Variants in CSMD1 observed in about 807,000 individuals in gnomAD.
CSMD1 encodes the protein CUB and sushi domain-containing protein 1.
A neutral mutation model predicts 417.5 loss-of-function variants in CSMD1; 213 were observed. The observed-to-expected ratio is 0.51, with a 90% confidence interval of 0.46 to 0.57. The LOEUF is 0.57. Among genes scored for constraint, CSMD1 ranks in the 20% least tolerant of loss-of-function variants. The pLI, the probability that CSMD1 is intolerant of heterozygous loss-of-function variation, is 0.00. For missense variants in CSMD1, 6,923 were observed against 4,529.7 expected, an observed-to-expected ratio of 1.53 and a Z score of -15.17; for synonymous variants, 2,862 against 1,736.8, an observed-to-expected ratio of 1.65 and a Z score of -16.11.
At chr8:3,854,781 T>G (rs890446976) in intron 5 of CSMD1, among the ~76,000 whole-genome samples, 1 of 151,396 alleles carries the variant, frequency 6.6e-6, no homozygotes, top group African/African-American at 2.4e-5. Flanking sequence ...TAAGAAGTGG[T>G]GATCAAAATT....
At chr8:3,517,063 C>A (rs915033294) in intron 10 of CSMD1, among the ~76,000 whole-genome samples, 3 of 152,088 alleles carry the variant, frequency 2.0e-5, no homozygotes, top group South Asian at 2.1e-4. Context: ...ACACTGGAAC[C>A]GACAGCTCCA....
Position 3,611,971 on chromosome 8 carries a change from C to T in CSMD1, c.1097+4739G>A, listed in dbSNP as rs114616879. Among the ~76,000 whole-genome samples, 1,420 of 152,122 alleles carry T rather than the reference C, an allele frequency of 9.3e-3. 26 individuals are homozygous for T. The highest frequency in any genetic ancestry group is 0.033 in the African/African-American group (1,372 of 41,538). ...CATTTGCCAATTTTTGTTATAGTAT[C>T]AAATAATATACTCAGTTATTTGAAA... On this transcript the variant is annotated intron_variant, in intron 8 of 69. Coordinates refer to ENST00000635120, the MANE Select transcript of CSMD1 (RefSeq NM_033225.6).
intron 5 of CSMD1, among the ~76,000 whole-genome samples, chr8:3,888,867 C>A (rs983182186): frequency 2.0e-5 from 3 of 152,056 alleles, no homozygotes; most frequent in African/African-American, 7.2e-5. Context: ...TATTCTATTT[C>A]TGTGACTTCA....
At chr8:4,824,407 C>T (rs1235500663) in intron 1 of CSMD1, among the ~76,000 whole-genome samples, 1 of 152,004 alleles carries the variant, frequency 6.6e-6, no homozygotes, top group African/African-American at 2.4e-5. Flanking sequence ...GTCCCTGAGA[C>T]CTCTAAGCTA....
chr8:3,290,348 T>G lies in CSMD1; in HGVS notation c.3951-6002A>C, dbSNP rs190797628. On this transcript the variant is annotated intron_variant, in intron 25 of 69. Coordinates refer to ENST00000635120, the MANE Select transcript of CSMD1 (RefSeq NM_033225.6). ...TCCATATGAACTTTAAAGTAGTTTT[T>G]TCTAATTCTGTGAAGAAAGTCATTG... 2.9e-4 allele frequency among the ~76,000 whole-genome samples: 42 copies of G among 146,934 alleles called. 1 individual carries two copies. The highest frequency in any genetic ancestry group is 5.0e-4 in the Non-Finnish European group (34 of 67,934).
intron 5 of CSMD1, among the ~76,000 whole-genome samples, chr8:3,924,246 T>C (rs926237286): frequency 2.6e-5 from 4 of 152,346 alleles, no homozygotes; most frequent in Middle Eastern, 6.8e-3. Flanking sequence ...GATGCTGATG[T>C]TCTTGTAGGG....
chr8:4,741,205 C>G (rs1810583692), intron 1 of CSMD1, among the ~76,000 whole-genome samples: 1 of 152,178 alleles, frequency 6.6e-6, no homozygotes, highest in South Asian at 2.1e-4. Context: ...AACAGAAGAC[C>G]CTAGTGCCAC....
At chr8:4,520,633 T>C (rs1246231603) in intron 2 of CSMD1, among the ~76,000 whole-genome samples, 2 of 152,196 alleles carry the variant, frequency 1.3e-5, no homozygotes. Context: ...TTTAGATAAG[T>C]TATTTCCCCC....
intron 1 of CSMD1, among the ~76,000 whole-genome samples, chr8:4,861,160 A>C (rs1390275552): frequency 6.6e-6 from 1 of 152,150 alleles, no homozygotes; most frequent in Non-Finnish European, 1.5e-5. Flanking sequence ...CAAATACATA[A>C]ATGGAAGTTG....
intron 3 of CSMD1, among the ~76,000 whole-genome samples, chr8:4,393,910 A>T (rs752374527): frequency 2.6e-5 from 4 of 152,174 alleles, no homozygotes; most frequent in Admixed American, 6.5e-5. Flanking sequence ...TTCCATCTTA[A>T]ATCCGTTAGC....
At chr8:3,037,877 G>T (rs923417780) in intron 50 of CSMD1, among the ~76,000 whole-genome samples, 1 of 152,232 alleles carries the variant, frequency 6.6e-6, no homozygotes, top group East Asian at 1.9e-4. Flanking sequence ...TCTTCCCCAA[G>T]ATTTCCAACT....
chr8:3,885,315 C>A (rs566317664), intron 5 of CSMD1, among the ~76,000 whole-genome samples: 2 of 152,144 alleles, frequency 1.3e-5, no homozygotes, highest in South Asian at 2.1e-4. Context: ...AGGGGTTTGT[C>A]AGTATTTATT....
At chr8:4,530,403 T>G (rs935366763) in intron 2 of CSMD1, among the ~76,000 whole-genome samples, 2 of 143,148 alleles carry the variant, frequency 1.4e-5, no homozygotes, top group Non-Finnish European at 3.0e-5. Flanking sequence ...GGAATACATT[T>G]GCCATGGTGG....
intron 2 of CSMD1, among the ~76,000 whole-genome samples, chr8:4,468,038 C>T (rs1382961228): frequency 9.3e-5 from 14 of 150,068 alleles, no homozygotes; most frequent in Non-Finnish European, 1.5e-5. Context: ...ATGGGTTACT[C>T]AACAGGCCCT....
At chr8:4,742,169 T>C (rs1408930729) in intron 1 of CSMD1, among the ~76,000 whole-genome samples, 2 of 151,210 alleles carry the variant, frequency 1.3e-5, no homozygotes, top group Non-Finnish European at 3.0e-5. Flanking sequence ...TAGCTGGGAC[T>C]ACAGGCGCCC....
chr8:3,517,515 T>A (rs1255210667), intron 10 of CSMD1, among the ~76,000 whole-genome samples: 12 of 152,208 alleles, frequency 7.9e-5, no homozygotes, highest in Admixed American at 7.9e-4. Context: ...AAATGTCAGG[T>A]TCCAATGTCA....
rs79065317 is a variant in CSMD1 at position 3,169,234 on chromosome 8, T to C, written c.5726-6957A>G. On this transcript the variant is annotated intron_variant, in intron 37 of 69. Coordinates refer to ENST00000635120, the MANE Select transcript of CSMD1 (RefSeq NM_033225.6). ...CCCAAACAGTACAGCCCTGTTTACA[T>C]CCTAGGAGAAACCAGAGGAGACAAG... Among the ~76,000 whole-genome samples, 21 of 152,302 alleles carry C rather than the reference T, an allele frequency of 1.4e-4. No individual in the cohort carries two copies. In the East Asian group the frequency reaches 4.1e-3, roughly 29 times the overall value.
chr8:3,954,891 C>G (rs747333889), intron 5 of CSMD1, among the ~76,000 whole-genome samples: 1 of 152,148 alleles, frequency 6.6e-6, no homozygotes, highest in Admixed American at 6.5e-5. Context: ...GTGGAGGGTA[C>G]GTGGAAACTC....
chr8:3,955,342 G>A (rs1201950075), intron 5 of CSMD1, among the ~76,000 whole-genome samples: 5 of 152,212 alleles, frequency 3.3e-5, no homozygotes, highest in African/African-American at 1.2e-4. Context: ...TTACGCCACA[G>A]AAACAAAAAC....
Sources: allele counts gnomAD v4.1 joint callset (sites outside exome capture counted in the v4.1 genomes callset), GRCh38; gene constraint gnomAD v4.1.1; transcripts MANE v1.5; gene names NCBI Gene and HGNC (gene_info 2026-07-23, HGNC 2026-07-21).